Variants in CACNA1C observed in about 807,000 individuals in gnomAD.
The protein encoded by CACNA1C is calcium voltage-gated channel subunit alpha1 C.
CACNA1C carries 30 observed loss-of-function variants against 229.0 expected under a neutral mutation model. That is an observed-to-expected ratio of 0.13 (90% CI 0.10 to 0.18). The LOEUF is 0.18. Ranked by LOEUF, CACNA1C falls within the 10% of genes least tolerant of loss-of-function variation. CACNA1C has a pLI of 1.00. For synonymous variants in CACNA1C, 1,114 were observed against 1,132.5 expected (o/e 0.98, Z 0.33); for missense variants, 1,658 against 2,845.0 (o/e 0.58, Z 9.49).
At chr12:2,194,700 C>G (rs1280727913) in intron 3 of CACNA1C, among the ~76,000 whole-genome samples, 1 of 152,078 alleles carries the variant, frequency 6.6e-6, no homozygotes, top group Non-Finnish European at 1.5e-5. Flanking sequence ...TCCTTGTTAT[C>G]ACTTATGTTC....
Position 2,639,103 on chromosome 12 carries a change from C to T in CACNA1C, c.3912+4723C>T, listed in dbSNP as rs1210969798. ...GTGTCACAAGAGGACCGTCTTCAGGCCCCCTCGTGCGGTCATGCTGAATTC... is the reference window on the plus strand; with the variant it reads ...GTGTCACAAGAGGACCGTCTTCAGGTCCCCTCGTGCGGTCATGCTGAATTC... On this transcript the variant is annotated intron_variant, in intron 30 of 46. Transcript: ENST00000399655. This position sits in a 1 kb window ranked among gnomAD's most constrained non-coding sequence, Gnocchi z 4.2. Among the ~76,000 whole-genome samples, 1 of 152,230 alleles carries T rather than the reference C, an allele frequency of 6.6e-6. No individual in the cohort carries two copies. Among genetic ancestry groups the T allele is most frequent in the African/African-American group, 2.4e-5 (1 of 41,464 alleles).
At chr12:2,127,521 T>G (rs150531714) in intron 3 of CACNA1C, among the ~76,000 whole-genome samples, 1 of 152,212 alleles carries the variant, frequency 6.6e-6, no homozygotes, top group South Asian at 2.1e-4. Context: ...TAAAATACAC[T>G]AATAGATAAC....
chr12:2,345,215 A>G (rs2096977452), intron 3 of CACNA1C, among the ~76,000 whole-genome samples: 1 of 151,764 alleles, frequency 6.6e-6, no homozygotes, highest in Non-Finnish European at 1.5e-5. Context: ...GGTGAAAGGG[A>G]ATGTGAGAGA....
At chr12:2,079,983 G>A (rs529120460) in intron 1 of CACNA1C, among the ~76,000 whole-genome samples, 2 of 152,328 alleles carry the variant, frequency 1.3e-5, no homozygotes, top group African/African-American at 4.8e-5. Flanking sequence ...TGTTTAGGCT[G>A]GGTGTGGTGG....
Position 2,504,124 on chromosome 12 carries a change from A to G in CACNA1C, c.1114-718A>G, listed in dbSNP as rs2099766532. 1.3e-5 allele frequency among the ~76,000 whole-genome samples: 2 copies of G among 152,198 alleles called. No individual in the cohort carries two copies. The highest frequency in any genetic ancestry group is 1.3e-4 in the Admixed American group (2 of 15,282). ...TAAACCATCCCATGCTGAAGAAATT[A>G]TTTTTTGAGGTGACCCATTTTCTCA... is the stretch of plus-strand genomic sequence containing the variant. On this transcript the variant is annotated intron_variant, in intron 7 of 46. Transcript: ENST00000399655. The surrounding 1 kb of genome is among the most constrained non-coding windows in gnomAD (Gnocchi z 6.8).
rs972778692 is a variant in CACNA1C at position 2,026,151 on chromosome 12, A to G, written c.139+54950A>G. On this transcript the variant is annotated intron_variant, in intron 1 of 46. Coordinates refer to the CACNA1C transcript ENST00000682462. ...GAAGTATGAGTATAAATGATCAACA[A>G]TTTGAAGAAGGTGAGAGTTGGAGGT... Among the ~76,000 whole-genome samples the G allele has an allele frequency of 2.6e-4, 40 of 152,328 alleles. 1 individual carries two copies. Among genetic ancestry groups the G allele is most frequent in the Non-Finnish European group, 5.9e-5 (4 of 68,034 alleles).
intron 1 of CACNA1C, among the ~76,000 whole-genome samples, chr12:2,088,063 C>T (rs1482517729): frequency 6.6e-6 from 1 of 152,206 alleles, no homozygotes; most frequent in African/African-American, 2.4e-5. Context: ...GGAATGGGAA[C>T]AGGATGAATT....
intron 10 of CACNA1C, among the ~76,000 whole-genome samples, chr12:2,555,268 G>A (rs1190619227): frequency 6.6e-6 from 1 of 152,252 alleles, no homozygotes; most frequent in South Asian, 2.1e-4. Context: ...TGACCCGCTT[G>A]CACTGTGAGC....
chr12:2,166,878 A>G (rs138495466), intron 3 of CACNA1C, among the ~76,000 whole-genome samples: 85 of 152,346 alleles, frequency 5.6e-4, no homozygotes, highest in Middle Eastern at 3.4e-3. Flanking sequence ...GGGAGTGTGC[A>G]GGATGTGAGC....
At position 2,601,722 on chromosome 12, in the gene CACNA1C, G is replaced by A. The variant is rs1373211893; in HGVS notation, c.2854-132G>A. ...TTCTTGGCACCATAGCGCCGTCTTT[G>A]TCCTTCCTGTTCCCCATGGATGGTG... On this transcript the variant is annotated intron_variant, in intron 21 of 46. Coordinates refer to ENST00000399655, the MANE Select transcript of CACNA1C (RefSeq NM_000719.7). The surrounding 1 kb of genome is among the most constrained non-coding windows in gnomAD (Gnocchi z 5.9). 2 of 705,038 alleles carry A rather than the reference G, an allele frequency of 2.8e-6. No individual in the cohort carries two copies. The highest frequency in any genetic ancestry group is 1.7e-5 in the African/African-American group (1 of 57,366). The allele number at this position is 705,038 out of a possible 1,614,324, so 43.7% of individuals were successfully genotyped here.
intron 3 of CACNA1C, among the ~76,000 whole-genome samples, chr12:2,289,374 C>T (rs965747540): frequency 6.6e-6 from 1 of 152,084 alleles, no homozygotes; most frequent in African/African-American, 2.4e-5. Flanking sequence ...GGAAACTAGC[C>T]ACCTCCAGAG....
chr12:2,423,439 G>T (rs991038546), intron 3 of CACNA1C, among the ~76,000 whole-genome samples: 1 of 152,156 alleles, frequency 6.6e-6, no homozygotes, highest in Non-Finnish European at 1.5e-5. Flanking sequence ...TAATCTCTCA[G>T]TGTCTCAGTA....
At chr12:2,270,291 G>C (rs960497397) in intron 3 of CACNA1C, among the ~76,000 whole-genome samples, 4 of 152,214 alleles carry the variant, frequency 2.6e-5, no homozygotes, top group African/African-American at 7.2e-5. Flanking sequence ...TGAGCCAGCT[G>C]TAATGAAATT....
rs578227478 is a variant in CACNA1C at position 2,241,973 on chromosome 12, C to T, written c.477+121543C>T. Among the ~76,000 whole-genome samples, 11 of 152,276 alleles carry T rather than the reference C, an allele frequency of 7.2e-5. No individual in the cohort carries two copies. In the East Asian group the frequency reaches 1.7e-3, roughly 24 times the overall value. ...CACTACCATGCATGGTGCCCTTGTC[C>T]CTGCCATCGCCATCATCATTCAAGC... On this transcript the variant is annotated intron_variant, in intron 3 of 46. Coordinates refer to ENST00000399655, the MANE Select transcript of CACNA1C (RefSeq NM_000719.7).
chr12:2,683,489 G>A (rs1216084890), intron 43 of CACNA1C, among the ~76,000 whole-genome samples: 3 of 152,168 alleles, frequency 2.0e-5, no homozygotes, highest in Non-Finnish European at 2.9e-5. Context: ...ATCTGTTACT[G>A]TATACATGAC....
At chr12:2,436,029 G>A (rs905294700) in intron 3 of CACNA1C, among the ~76,000 whole-genome samples, 1 of 152,216 alleles carries the variant, frequency 6.6e-6, no homozygotes, top group African/African-American at 2.4e-5. Context: ...AGCTTCCCAG[G>A]CAAGGGGCTG....
At chr12:2,681,634 A>C (rs2097150464) in intron 42 of CACNA1C, among the ~76,000 whole-genome samples, 1 of 151,914 alleles carries the variant, frequency 6.6e-6, no homozygotes. Flanking sequence ...CTCCCCTCCC[A>C]GTCCTCCTGG....
chr12:2,547,113 C>T (rs565457896), intron 9 of CACNA1C, among the ~76,000 whole-genome samples: 27 of 152,318 alleles, frequency 1.8e-4, no homozygotes, highest in African/African-American at 6.0e-4. Context: ...ATGGAAACAA[C>T]AGGGATGAGT....
intron 2 of CACNA1C, among the ~76,000 whole-genome samples, chr12:2,115,806 G>GT (rs1167036521): frequency 1.3e-5 from 2 of 152,148 alleles, no homozygotes; most frequent in East Asian, 1.9e-4. Context: ...TTTGTTTTTT[G>GT]TTTTTTTCAT....
Sources: gnomAD v4.1 joint callset for allele counts (sites outside exome capture counted in the v4.1 genomes callset) on GRCh38, gnomAD v4.1.1 for gene constraint, Gnocchi (gnomAD v3.1) non-coding constraint, MANE v1.5 for transcripts, NCBI Gene and HGNC (gene_info 2026-07-23, HGNC 2026-07-21) for gene names.